Variants in COL12A1 observed in about 807,000 individuals in gnomAD.
The protein encoded by COL12A1 is collagen alpha-1(XII) chain.
COL12A1 carries 114 observed loss-of-function variants against 349.7 expected under a neutral mutation model. That is an observed-to-expected ratio of 0.33 (90% CI 0.28 to 0.38). COL12A1 has a LOEUF of 0.38. COL12A1 is among the 10% of genes least tolerant of loss of function. The pLI is 1.00. For missense variants in COL12A1, 3,284 were observed against 3,756.9 expected, an observed-to-expected ratio of 0.87 and a Z score of 3.29; for synonymous variants, 1,369 against 1,329.0, an observed-to-expected ratio of 1.03 and a Z score of -0.66.
In COL12A1 at chr6:75,131,958, G is replaced by A; in HGVS notation, c.5919C>T (p.Gly1973=). 6.2e-7 allele frequency: 1 copy of A among 1,613,944 alleles called. No homozygotes were observed. The part of the protein sequence containing the change: ...QYRVVYSPVD[G]TRPSESIVVP... Reference sequence around the variant, plus strand: ...TACTTACAGATTCTGAGGGTCTTGTGCCATCCACAGGAGAATACACAACGC... The same window carrying A: ...TACTTACAGATTCTGAGGGTCTTGTACCATCCACAGGAGAATACACAACGC... The change falls in exon 35 of 66, where the codon GGC becomes GGT. Residue 1973 remains glycine (G), a synonymous_variant. Coordinates refer to ENST00000322507, the MANE Select transcript of COL12A1 (RefSeq NM_004370.6).
chr6:75,112,436 C>G (rs1768886106), intron 51 of COL12A1, among the ~76,000 whole-genome samples: 1 of 151,442 alleles, frequency 6.6e-6, no homozygotes, highest in Non-Finnish European at 1.5e-5. Flanking sequence ...CTTTTTATTT[C>G]TAATGCTTCT....
intron 25 of COL12A1, among the ~76,000 whole-genome samples, chr6:75,143,685 A>G (rs1346694420): frequency 6.6e-6 from 1 of 152,234 alleles, no homozygotes; most frequent in Non-Finnish European, 1.5e-5. Context: ...GCTCAACCCC[A>G]TAATAAATCA....
At chr6:75,177,635 C>A in intron 12 of COL12A1, 28 bp downstream of exon 12, 1 of 1,613,824 alleles carries the variant, frequency 6.2e-7, no homozygotes, top group Non-Finnish European at 8.5e-7. Context: ...GTTTGGTTGT[C>A]ACCATATGAT....
chr6:75,101,657 C>T lies in COL12A1; in HGVS notation c.8470-4G>A. 6.2e-7 allele frequency: 1 copy of T among 1,613,224 alleles called. No individual in the cohort carries two copies. The highest frequency in any genetic ancestry group is 8.5e-7 in the Non-Finnish European group (1 of 1,179,640). On this transcript the variant is annotated splice_polypyrimidine_tract_variant and splice_region_variant and intron_variant, in intron 57 of 65. Transcript: ENST00000322507. ...GGCCAGGTAATCCTGGGGTTCCCTGCACAGAAGGAAACAAACAAGTGAAAC... is the reference window on the plus strand; with the variant it reads ...GGCCAGGTAATCCTGGGGTTCCCTGTACAGAAGGAAACAAACAAGTGAAAC...
At chr6:75,202,412 C>G (rs1444022378) in intron 2 of COL12A1, among the ~76,000 whole-genome samples, 2 of 152,224 alleles carry the variant, frequency 1.3e-5, no homozygotes, top group African/African-American at 4.8e-5. Context: ...CGCCCCCTCT[C>G]GGGCGGCTGG....
intron 27 of COL12A1, among the ~76,000 whole-genome samples, chr6:75,141,467 T>G (rs1361822908): frequency 6.6e-6 from 1 of 152,156 alleles, no homozygotes; most frequent in Non-Finnish European, 1.5e-5. Flanking sequence ...GGCTGCCCGG[T>G]ATCCCCCAGC....
At chr6:75,175,978 A>T (rs1027184419) in intron 12 of COL12A1, among the ~76,000 whole-genome samples, 1 of 152,212 alleles carries the variant, frequency 6.6e-6, no homozygotes, top group African/African-American at 2.4e-5. Flanking sequence ...TCCACTGAGC[A>T]TATAAAAGCC....
rs749283021 is a variant in COL12A1 at position 75,090,222 on chromosome 6, C to G, written c.8829G>C (p.Pro2943=). 3.1e-6 allele frequency: 5 copies of G among 1,614,020 alleles called. No homozygotes were observed. Among genetic ancestry groups the G allele is most frequent in the Non-Finnish European group, 1.7e-6 (2 of 1,179,970 alleles). ...TACCAGGAGGTCCCGGTGGACCCGG[C>G]GGGCCTGGCTGGTTGCGACTGGACT... is the stretch of plus-strand genomic sequence containing the variant. ...DYQSSRNQPG[P]PGPPGPPGSA... is the part of the protein sequence containing the mutation. The change falls in exon 63 of 66, where the codon CCG becomes CCC. Residue 2943 remains proline, a synonymous_variant. Coordinates refer to ENST00000322507, the MANE Select transcript of COL12A1 (RefSeq NM_004370.6). This position sits in a 1 kb window ranked among gnomAD's most constrained non-coding sequence, Gnocchi z 4.1.
chr6:75,160,859 T>G (rs1403487268), intron 14 of COL12A1, among the ~76,000 whole-genome samples: 1 of 152,212 alleles, frequency 6.6e-6, no homozygotes, highest in Non-Finnish European at 1.5e-5. Context: ...TCCTACATCA[T>G]ATTTCTGATC....
chr6:75,164,821 G>A (rs1374820920), intron 14 of COL12A1, among the ~76,000 whole-genome samples: 2 of 151,152 alleles, frequency 1.3e-5, no homozygotes, highest in East Asian at 3.9e-4. Context: ...GATTATGATA[G>A]GTAATTCATA....
chr6:75,106,429 A>G lies in COL12A1; in HGVS notation c.8168T>C (p.Ile2723Thr), dbSNP rs932912056. Residue 2723 changes from isoleucine (I) to threonine (T), a missense_variant, in exon 53 of 66, where the codon ATT (isoleucine) becomes ACT (threonine). Ile to Thr is a moderately conservative substitution (Grantham distance 89). Coordinates refer to ENST00000322507, the MANE Select transcript of COL12A1 (RefSeq NM_004370.6). ...TTCTGTTTTACTTACCCTAGAGGGAATATCACAGCATCTGTCTCTACTGGT... is the reference window on the plus strand; with the variant it reads ...TTCTGTTTTACTTACCCTAGAGGGAGTATCACAGCATCTGTCTCTACTGGT... The part of the protein sequence containing the change: ...VWTSRDRCCD[I>T]PSRRDEGKCP... The G allele has an allele frequency of 3.7e-6, 6 of 1,613,690 alleles. No individual in the cohort carries two copies. Among genetic ancestry groups the G allele is most frequent in the Non-Finnish European group, 5.1e-6 (6 of 1,179,650 alleles).
intron 55 of COL12A1, among the ~76,000 whole-genome samples, chr6:75,103,379 T>C (rs1029546500): frequency 6.6e-6 from 1 of 152,036 alleles, no homozygotes; most frequent in African/African-American, 2.4e-5. Context: ...CCACTCAGCA[T>C]TTTTTTTCTG....
chr6:75,180,665 G>A (rs1211762592), intron 11 of COL12A1, among the ~76,000 whole-genome samples: 1 of 151,928 alleles, frequency 6.6e-6, no homozygotes, highest in Non-Finnish European at 1.5e-5. Flanking sequence ...AAAAAAGATG[G>A]ATAAACAGTA....
chr6:75,174,536 A>T (rs1562275731), intron 13 of COL12A1, among the ~76,000 whole-genome samples: 1 of 152,178 alleles, frequency 6.6e-6, no homozygotes, highest in Non-Finnish European at 1.5e-5. Flanking sequence ...AGCCTGGGCG[A>T]AAGAGCGAGA....
chr6:75,122,854 C>G (rs1765816507), intron 43 of COL12A1, among the ~76,000 whole-genome samples: 1 of 152,202 alleles, frequency 6.6e-6, no homozygotes, highest in Non-Finnish European at 1.5e-5. Flanking sequence ...TTCACCAGTT[C>G]ACTGCAAGTT....
intron 39 of COL12A1, among the ~76,000 whole-genome samples, chr6:75,126,121 AC>A (rs942884331): frequency 6.6e-6 from 1 of 152,104 alleles, no homozygotes; most frequent in Non-Finnish European, 1.5e-5. Flanking sequence ...ACCAAGTCAA[AC>A]TTTTTAATCA....
chr6:75,091,445 T>A, intron 61 of COL12A1, 45 bp downstream of exon 61: 1 of 1,612,350 alleles, frequency 6.2e-7, no homozygotes, highest in Non-Finnish European at 8.5e-7. Context: ...TAGGCTTCAA[T>A]GTTTAACACA....
chr6:75,195,040 A>G, intron 2 of COL12A1, 93 bp from the exon 3 acceptor site: 1 of 692,172 alleles, frequency 1.4e-6, no homozygotes, highest in Non-Finnish European at 2.3e-6. Flanking sequence ...AAGCTTTCTA[A>G]AATTGTCTTT....
rs890624153 is a variant in COL12A1, at chr6:75,117,679, G to C, written c.7355-133C>G. On this transcript the variant is annotated intron_variant, in intron 46 of 65. Coordinates refer to ENST00000322507, the MANE Select transcript of COL12A1 (RefSeq NM_004370.6). ...TATGCAGCAAGTCCTTTTACTTGAC[G>C]TGAACTCTCTTTAATAAATACATAC... The C allele has an allele frequency of 3.7e-6, 3 of 810,198 alleles. No individual in the cohort carries two copies. The African/African-American group carries it at 5.2e-5, about 14-fold the overall frequency. 50.2% of individuals were successfully genotyped at this position (810,198 alleles called of 1,614,324 possible).
Sources: gnomAD v4.1 joint callset for allele counts (sites outside exome capture counted in the v4.1 genomes callset) on GRCh38, gnomAD v4.1.1 for gene constraint, Gnocchi (gnomAD v3.1) non-coding constraint, MANE v1.5 for transcripts, NCBI Gene and HGNC (gene_info 2026-07-23, HGNC 2026-07-21) for gene names.